CNOT3: variants seen among roughly 807,000 people sequenced by gnomAD.
CNOT3 encodes the protein CCR4-NOT transcription complex subunit 3.
A neutral mutation model predicts 89.4 loss-of-function variants in CNOT3; 2 were observed. That is an observed-to-expected ratio of 0.02 (90% CI 0.01 to 0.07). The LOEUF (loss-of-function observed/expected upper bound fraction) is 0.07, where lower values mean the gene tolerates loss of function less well. CNOT3 is among the 10% of genes least tolerant of loss of function. CNOT3 has a pLI of 1.00. For synonymous variants in CNOT3, 486 were observed against 402.0 expected, an observed-to-expected ratio of 1.21 and a Z score of -2.50; for missense variants, 664 against 1,010.2, an observed-to-expected ratio of 0.66 and a Z score of 4.65.
Position 54,152,288 on chromosome 19 carries a change from T to C in CNOT3, c.1668T>C (p.Ile556=). ...AACGGGCAGCCATCAGCTCTGGCAT[T>C]GAGGACCCTGTGCCAACGCTGCACC... The part of the protein sequence containing the change: ...MAERAAISSG[I]EDPVPTLHLT... The change falls in exon 14 of 18, where the codon ATT becomes ATC. Residue 556 remains isoleucine (I), a synonymous_variant. Coordinates refer to ENST00000221232, the MANE Select transcript of CNOT3 (RefSeq NM_014516.4). 1 of 1,614,096 alleles carries C rather than the reference T, an allele frequency of 6.2e-7. No homozygotes were observed. Among genetic ancestry groups the C allele is most frequent in the East Asian group, 2.2e-5 (1 of 44,866 alleles).
At chr19:54,147,274 G>T (rs1308939200) in intron 10 of CNOT3, among the ~76,000 whole-genome samples, 7 of 152,258 alleles carry the variant, frequency 4.6e-5, no homozygotes, top group Non-Finnish European at 2.9e-5. Context: ...GGAGCAGCAT[G>T]GGCCTGAGGC....
At chr19:54,146,566 TCA>T in intron 9 of CNOT3, 33 bp from the exon 10 acceptor site, 1 of 1,057,986 alleles carries the variant, frequency 9.5e-7, no homozygotes, top group Non-Finnish European at 1.5e-6. Context: ...GCCCCAGAGG[TCA>T]CACAGGTTTC....
intron 12 of CNOT3, 133 bp from the exon 13 acceptor site, chr19:54,149,427 C>T (rs957381312): frequency 3.8e-6 from 2 of 524,062 alleles, no homozygotes; most frequent in Non-Finnish European, 6.6e-6. Flanking sequence ...TTTCTCCCAT[C>T]TGTCTGCCCT....
rs2075262790 is a variant in CNOT3 at position 54,153,592 on chromosome 19, G to C, written c.2038-123G>C. On this transcript the variant is annotated intron_variant, in intron 16 of 17. Transcript: ENST00000221232. ...CCCCAGCCCCATCTCCAAGAGGATT[G>C]TCCAGCCCAACTGTGGTCTGTGGCG... The C allele has an allele frequency of 2.4e-5, 19 of 802,510 alleles. No individual in the cohort carries two copies. The South Asian group carries it at 2.4e-4, about 10-fold the overall frequency. 49.7% of individuals were successfully genotyped at this position (802,510 alleles called of 1,614,324 possible). A position where few individuals can be genotyped will look rare whatever the true frequency, so the allele number is the denominator to read the frequency against.
At chr19:54,153,993 C>A in intron 17 of CNOT3, 153 bp downstream of exon 17, 1 of 977,196 alleles carries the variant, frequency 1.0e-6, no homozygotes, top group Non-Finnish European at 1.6e-6. Context: ...TGGCTGTCTG[C>A]TCAGCCTGGA....
At chr19:54,154,833 G>A (rs73613028) in intron 17 of CNOT3, 1,320 of 129,962 alleles carry the variant, frequency 0.01, 16 homozygotes, top group African/African-American at 0.045. Context: ...CAGTCATTCA[G>A]AAATTCCCAC....
chr19:54,146,681 G>A, intron 10 of CNOT3, 24 bp downstream of exon 10: 1 of 1,360,776 alleles, frequency 7.3e-7, no homozygotes, highest in Non-Finnish European at 1.1e-6. Flanking sequence ...TGGACCGGGT[G>A]GGCACGCCAT....
chr19:54,141,996 ACTTC>A (rs1568629112), intron 1 of CNOT3: 2 of 152,000 alleles, frequency 1.3e-5, no homozygotes, highest in African/African-American at 4.8e-5. Flanking sequence ...GTTCCAGGTA[ACTTC>A]CTTTAAAATA....
In CNOT3 at chr19:54,143,755, A is replaced by G; in HGVS notation, c.258+6A>G. 1 of 1,613,016 alleles carries G rather than the reference A, an allele frequency of 6.2e-7. No homozygotes were observed. Among genetic ancestry groups the G allele is most frequent in the Non-Finnish European group, 8.5e-7 (1 of 1,179,362 alleles). ...ACCGCAAGCTCATTGAGACGGTAGG[A>G]GCCCAGAGCCTGAGTCCCAGAGAGG... On this transcript the variant is annotated splice_donor_region_variant and intron_variant, in intron 5 of 17. Transcript: ENST00000221232.
chr19:54,145,720 G>T lies in CNOT3; in HGVS notation c.606G>T (p.Lys202Asn). ...NDSILVDAIR[K>N]IKDDVEYYVD... is the part of the protein sequence containing the mutation. ...CCATCCTCGTTGACGCCATCCGCAA[G>T]ATCAAGGACGACGTTGAGTACTATG... Residue 202 changes from lysine (K) to asparagine (N), a missense_variant, in exon 8 of 18, where the codon AAG (lysine) becomes AAT (asparagine). Coordinates refer to ENST00000221232, the MANE Select transcript of CNOT3 (RefSeq NM_014516.4). This position sits in a 1 kb window ranked among gnomAD's most constrained non-coding sequence, Gnocchi z 5.9. 6.2e-7 allele frequency: 1 copy of T among 1,613,446 alleles called. No homozygotes were observed. Among genetic ancestry groups the T allele is most frequent in the Non-Finnish European group, 8.5e-7 (1 of 1,179,360 alleles).
At chr19:54,139,160 C>A (rs1193544982) in intron 1 of CNOT3, among the ~76,000 whole-genome samples, 2 of 152,200 alleles carry the variant, frequency 1.3e-5, no homozygotes, top group Non-Finnish European at 2.9e-5. Flanking sequence ...CGGCCACCCA[C>A]CCCGGGGTGA....
intron 17 of CNOT3, chr19:54,155,088 C>A: frequency 1.7e-6 from 1 of 576,478 alleles, no homozygotes; most frequent in Non-Finnish European, 3.0e-6. Context: ...TCGGTGGAAC[C>A]TCTGCGGCCC....
In CNOT3 at chr19:54,152,502, C is replaced by G. The variant is rs1568683818; in HGVS notation, c.1780C>G (p.Pro594Ala). Residue 594 changes from proline (P) to alanine (A), a missense_variant, in exon 15 of 18, where the codon CCG becomes GCG. Physicochemically the swap from Pro to Ala is conservative, Grantham distance 27. Transcript: ENST00000221232. ...CCTGCAGCTGTCAGAGGTGAACATA[C>G]CGCTGTCGCTGGGTGTCTGTCCACT... ...PPLQLSEVNI[P>A]LSLGVCPLGP... 1 of 1,614,218 alleles carries G rather than the reference C, an allele frequency of 6.2e-7. No individual in the cohort carries two copies. The highest frequency in any genetic ancestry group is 8.5e-7 in the Non-Finnish European group (1 of 1,180,038).
At chr19:54,152,696 T>G in intron 15 of CNOT3, 70 bp downstream of exon 15, 1 of 1,337,796 alleles carries the variant, frequency 7.5e-7, no homozygotes, top group South Asian at 1.2e-5. Flanking sequence ...GCTGAACCTG[T>G]GAGGCTGTGG....
At chr19:54,154,033 GCTCCTAGGC>G in intron 17 of CNOT3, 193 bp downstream of exon 17, 1 of 764,474 alleles carries the variant, frequency 1.3e-6, no homozygotes, top group Non-Finnish European at 2.3e-6. Flanking sequence ...CACTTGGCCA[GCTCCTAGGC>G]CTCCTGTAGG....
At position 54,145,061 on chromosome 19, in the gene CNOT3, G is replaced by C. The variant is rs1282500311; in HGVS notation, c.484-537G>C. 1.3e-5 allele frequency among the ~76,000 whole-genome samples: 2 copies of C among 152,064 alleles called. No individual in the cohort carries two copies. Among genetic ancestry groups the C allele is most frequent in the Admixed American group, 6.6e-5 (1 of 15,258 alleles). ...AGGCTAAGATGTTAAATCCTAAAGGGGCCTTGAGGGGAGGGCAGGAGCGAG... is the reference window on the plus strand; with the variant it reads ...AGGCTAAGATGTTAAATCCTAAAGGCGCCTTGAGGGGAGGGCAGGAGCGAG... On this transcript the variant is annotated intron_variant, in intron 7 of 17. Coordinates refer to ENST00000221232, the MANE Select transcript of CNOT3 (RefSeq NM_014516.4). The surrounding 1 kb of genome is among the most constrained non-coding windows in gnomAD (Gnocchi z 5.9).
chr19:54,152,010 C>T (rs1030793841), intron 13 of CNOT3, among the ~76,000 whole-genome samples: 1 of 152,232 alleles, frequency 6.6e-6, no homozygotes, highest in Non-Finnish European at 1.5e-5. Flanking sequence ...CAGAGTCCCA[C>T]TCACGAGACG....
chr19:54,155,578 C>G lies in CNOT3; in HGVS notation c.*171C>G. ...TTCCTCTCAGCCCCACCCTGGGGGCCCGGGGGCGAGGGCTGCCCCCTCCTC... is the reference window on the plus strand; with the variant it reads ...TTCCTCTCAGCCCCACCCTGGGGGCGCGGGGGCGAGGGCTGCCCCCTCCTC... On this transcript the variant is annotated 3_prime_UTR_variant, in exon 18 of 18. Coordinates refer to ENST00000221232, the MANE Select transcript of CNOT3 (RefSeq NM_014516.4). 9.9e-7 allele frequency: 1 copy of G among 1,009,836 alleles called. No homozygotes were observed. The highest frequency in any genetic ancestry group is 1.4e-6 in the Non-Finnish European group (1 of 698,012). The allele number at this position is 1,009,836 out of a possible 1,614,324, so 62.6% of individuals were successfully genotyped here.
chr19:54,142,649 A>G (rs2074499531), intron 1 of CNOT3: 1 of 538,454 alleles, frequency 1.9e-6, no homozygotes. Flanking sequence ...GGGAGAAGGT[A>G]CTCCATGCTC....
Sources: gnomAD v4.1 joint callset for allele counts (sites outside exome capture counted in the v4.1 genomes callset) on GRCh38, gnomAD v4.1.1 for gene constraint, Gnocchi (gnomAD v3.1) non-coding constraint, MANE v1.5 for transcripts, NCBI Gene and HGNC (gene_info 2026-07-23, HGNC 2026-07-21) for gene names.